RGPD4: variants seen among roughly 807,000 people sequenced by gnomAD.
RGPD4 encodes ranBP2-like and GRIP domain-containing protein 4.
A neutral mutation model predicts 141.1 loss-of-function variants in RGPD4; 84 were observed. That is an observed-to-expected ratio of 0.60 (90% CI 0.50 to 0.71). The LOEUF is 0.71. Among genes scored for constraint, RGPD4 ranks in the 30% least tolerant of loss-of-function variants. The pLI, the probability that RGPD4 is intolerant of heterozygous loss-of-function variation, is 0.00. For synonymous variants in RGPD4, 298 were observed against 566.8 expected, an observed-to-expected ratio of 0.53 and a Z score of 6.74; for missense variants, 918 against 1,622.4, an observed-to-expected ratio of 0.57 and a Z score of 7.46.
At chr2:107,878,319 AG>A (rs775121431) in intron 20 of RGPD4, among the ~76,000 whole-genome samples, 43 of 151,494 alleles carry the variant, frequency 2.8e-4, no homozygotes, top group Admixed American at 5.3e-4. Flanking sequence ...CAATCTTTGA[AG>A]AACCTTCGAG....
chr2:107,886,202 C>T (rs1233861867), intron 22 of RGPD4, among the ~76,000 whole-genome samples: 24 of 136,690 alleles, frequency 1.8e-4, no homozygotes, highest in African/African-American at 5.1e-4. Context: ...GAATACAGCA[C>T]AGATAATATA....
intron 9 of RGPD4, among the ~76,000 whole-genome samples, chr2:107,858,441 T>TTCTTTTCTTG (rs1682412290): frequency 6.6e-6 from 1 of 151,128 alleles, no homozygotes; most frequent in Non-Finnish European, 1.5e-5. Context: ...TTCTTTTCTT[T>TTCTTTTCTTG]TCTTTTCTTT....
At chr2:107,865,311 T>C (rs1198029486) in intron 17 of RGPD4, among the ~76,000 whole-genome samples, 16 of 152,230 alleles carry the variant, frequency 1.1e-4, no homozygotes, top group Non-Finnish European at 1.5e-5. Context: ...TCTCTGCAGC[T>C]ACTACTTTTT....
At position 107,826,936 on chromosome 2, in the gene RGPD4, G is replaced by C. The variant is rs1042896941; in HGVS notation, c.-78G>C. 20 of 1,549,398 alleles carry C rather than the reference G, an allele frequency of 1.3e-5. No individual in the cohort carries two copies. Among genetic ancestry groups the C allele is most frequent in the African/African-American group, 6.9e-5 (5 of 72,992 alleles). On this transcript the variant is annotated 5_prime_UTR_variant, in exon 1 of 23. Coordinates refer to ENST00000408999, the MANE Select transcript of RGPD4 (RefSeq NM_182588.3). ...TACGCGGAGTCAGTGGCTTTCAGGC[G>C]CTTTCCTGTTGGAATTGGCGACTGC...
At chr2:107,858,200 A>G (rs1682395288) in intron 9 of RGPD4, among the ~76,000 whole-genome samples, 1 of 151,886 alleles carries the variant, frequency 6.6e-6, no homozygotes, top group South Asian at 2.1e-4. Context: ...TGGGCATCCA[A>G]GTTTTCTCAA....
chr2:107,854,169 C>A (rs1283775257), intron 7 of RGPD4, among the ~76,000 whole-genome samples: 1 of 132,810 alleles, frequency 7.5e-6, no homozygotes, highest in Non-Finnish European at 1.6e-5. Flanking sequence ...ATCCTTGTGC[C>A]TCAGCCTCCT....
chr2:107,881,483 A>G (rs1675364455), intron 21 of RGPD4, among the ~76,000 whole-genome samples: 1 of 151,510 alleles, frequency 6.6e-6, no homozygotes, highest in Non-Finnish European at 1.5e-5. Flanking sequence ...ATGCCCGGCT[A>G]ATTTTTTTTA....
intron 8 of RGPD4, among the ~76,000 whole-genome samples, chr2:107,855,889 A>G (rs1215892161): frequency 3.9e-4 from 23 of 58,852 alleles, no homozygotes; most frequent in East Asian, 1.4e-3. Flanking sequence ...ATGGAATCAT[A>G]TAGTATGTGG....
At chr2:107,856,665 ATAT>A (rs1682328731) in intron 8 of RGPD4, 92 bp from the exon 9 acceptor site, 1 of 267,964 alleles carries the variant, frequency 3.7e-6, no homozygotes, top group African/African-American at 2.5e-5. Context: ...TGCAATAATC[ATAT>A]TATTTCCCCT....
At position 107,882,728 on chromosome 2, in the gene RGPD4, A is replaced by G. The variant is rs764398894; in HGVS notation, c.5121A>G (p.Ala1707=). The G allele has an allele frequency of 9.3e-6, 15 of 1,611,700 alleles. No homozygotes were observed. The South Asian group carries it at 1.6e-4, about 18-fold the overall frequency. The change falls in exon 22 of 23, where the codon GCA becomes GCG. Residue 1707 remains alanine (A), a synonymous_variant. Transcript: ENST00000408999. ...GGAATCAAGAGCAAGAGGAGTCTGC[A>G]GCTAACGTGGAACACTTGAAGAACG... ...LERNQEQEES[A]ANVEHLKNVL...
At chr2:107,879,912 A>G in intron 20 of RGPD4, 56 bp from the exon 21 acceptor site, 3 of 1,597,144 alleles carry the variant, frequency 1.9e-6, no homozygotes, top group Non-Finnish European at 2.6e-6. Context: ...CTTATTTAGA[A>G]TCTTCATCTG....
At position 107,845,949 on chromosome 2, in the gene RGPD4, C is replaced by T. The variant is rs377531752; in HGVS notation, c.782+2219C>T. Among the ~76,000 whole-genome samples the T allele has an allele frequency of 1.2e-3, 161 of 133,604 alleles. 1 individual carries two copies. The highest frequency in any genetic ancestry group is 4.0e-3 in the African/African-American group (138 of 34,642). 87.6% of individuals were successfully genotyped at this position (133,604 alleles called of 152,430 possible). On this transcript the variant is annotated intron_variant, in intron 6 of 22. Transcript: ENST00000408999. ...GGTCTCGATCTTTTTTTTTTTGAGA[C>T]GGAGTCTCGCTCTGTTGCCCAGGCT...
intron 6 of RGPD4, among the ~76,000 whole-genome samples, chr2:107,845,048 C>T (rs1681875005): frequency 1.4e-5 from 2 of 141,124 alleles, no homozygotes; most frequent in Admixed American, 1.4e-4. Context: ...GTCTCAATCT[C>T]TCTTTTTTTT....
intron 1 of RGPD4, among the ~76,000 whole-genome samples, chr2:107,830,305 C>A (rs1390804595): frequency 6.7e-6 from 1 of 149,614 alleles, no homozygotes; most frequent in Non-Finnish European, 1.5e-5. Context: ...AGGTGTGAGC[C>A]ACTCTGCTCA....
At chr2:107,829,763 C>T (rs560430281) in intron 1 of RGPD4, among the ~76,000 whole-genome samples, 3 of 152,076 alleles carry the variant, frequency 2.0e-5, no homozygotes, top group South Asian at 2.1e-4. Flanking sequence ...TTGTTCCCGA[C>T]GGTGCTCGCT....
intron 18 of RGPD4, among the ~76,000 whole-genome samples, chr2:107,868,645 C>G: frequency 6.7e-6 from 1 of 149,916 alleles, no homozygotes; most frequent in African/African-American, 2.5e-5. Context: ...ATGAATTTGT[C>G]AGGTAATTTT....
rs781762391 is a variant in RGPD4, at chr2:107,872,932, G to A, written c.4924+4G>A. Reference sequence around the variant, plus strand: ...ACATTTAAAACACCAGAAAAGGGTAGGTACTTTGTTGTTAAAGTTAAGCAC... The same window carrying A: ...ACATTTAAAACACCAGAAAAGGGTAAGTACTTTGTTGTTAAAGTTAAGCAC... On this transcript the variant is annotated splice_donor_region_variant and intron_variant, in intron 20 of 22. Coordinates refer to ENST00000408999, the MANE Select transcript of RGPD4 (RefSeq NM_182588.3). The A allele has an allele frequency of 9.1e-6, 14 of 1,533,958 alleles. No individual in the cohort carries two copies. The highest frequency in any genetic ancestry group is 3.8e-5 in the Admixed American group (2 of 52,932).
intron 1 of RGPD4, among the ~76,000 whole-genome samples, chr2:107,832,491 G>T (rs1002022475): frequency 7.1e-6 from 1 of 141,586 alleles, no homozygotes; most frequent in African/African-American, 2.7e-5. Flanking sequence ...GCCCAGGCTG[G>T]AGTGCAGTGG....
intron 22 of RGPD4, among the ~76,000 whole-genome samples, chr2:107,889,535 TAC>T (rs1264432716): frequency 7.5e-6 from 1 of 133,342 alleles, no homozygotes; most frequent in East Asian, 2.1e-4. Context: ...AAATACTATG[TAC>T]AGTGTGATTC....
Sources: allele counts gnomAD v4.1 joint callset (sites outside exome capture counted in the v4.1 genomes callset), GRCh38; gene constraint gnomAD v4.1.1; transcripts MANE v1.5; gene names NCBI Gene and HGNC (gene_info 2026-07-23, HGNC 2026-07-21).